CEP164: variants seen among roughly 807,000 people sequenced by gnomAD.
CEP164 encodes the protein centrosomal protein 164, also known as centrosomal protein of 164 kDa.
CEP164 carries 162 observed loss-of-function variants against 182.7 expected under a neutral mutation model. That is an observed-to-expected ratio of 0.89 (90% CI 0.78 to 1.01). The LOEUF (loss-of-function observed/expected upper bound fraction) is 1.01. Ranked by LOEUF, CEP164 falls within the 50% of genes least tolerant of loss-of-function variation. CEP164 has a pLI of 0.00. For synonymous variants in CEP164, 661 were observed against 690.0 expected (o/e 0.96, Z 0.66); for missense variants, 1,735 against 1,790.4 (o/e 0.97, Z 0.56).
chr11:117,373,933 A>G, intron 10 of CEP164, 102 bp downstream of exon 10: 1 of 946,160 alleles, frequency 1.1e-6, no homozygotes, highest in Admixed American at 2.1e-5. Flanking sequence ...TATAAGTGGG[A>G]GAATTTCGAA....
At chr11:117,410,010 C>G in intron 30 of CEP164, 45 bp downstream of exon 30, 23 of 1,456,042 alleles carry the variant, frequency 1.6e-5, no homozygotes, top group Non-Finnish European at 2.2e-5. Context: ...CCTCCTCCTC[C>G]TCCTCTTCCT....
At position 117,394,796 on chromosome 11, in the gene CEP164, A is replaced by G. The variant is rs896743976; in HGVS notation, c.2761-124A>G. 11 of 1,034,206 alleles carry G rather than the reference A, an allele frequency of 1.1e-5. No individual in the cohort carries two copies. The Middle Eastern group carries it at 9.2e-4, about 86-fold the overall frequency. The allele number at this position is 1,034,206 out of a possible 1,614,324, so 64.1% of individuals were successfully genotyped here. On this transcript the variant is annotated intron_variant, in intron 21 of 32. Coordinates refer to ENST00000278935, the MANE Select transcript of CEP164 (RefSeq NM_014956.5). The surrounding 1 kb of genome is among the most constrained non-coding windows in gnomAD (Gnocchi z 4.0). Reference sequence around the variant, plus strand: ...TTCCTGGGAGGCTGCAGGGGCACACAGCGAGGAAGCCTGAGCCCAGAGTGG... The same window carrying G: ...TTCCTGGGAGGCTGCAGGGGCACACGGCGAGGAAGCCTGAGCCCAGAGTGG...
intron 8 of CEP164, among the ~76,000 whole-genome samples, chr11:117,370,497 A>G (rs527726281): frequency 3.2e-4 from 48 of 152,330 alleles, no homozygotes; most frequent in Non-Finnish European, 5.7e-4. Flanking sequence ...ACAGAGTTGT[A>G]TCGTCCAGTG....
chr11:117,407,191 G>T (rs2046786567), intron 27 of CEP164, among the ~76,000 whole-genome samples: 1 of 152,200 alleles, frequency 6.6e-6, no homozygotes, highest in African/African-American at 2.4e-5. Flanking sequence ...GGGGTCAGCA[G>T]AGAGCAAGGG....
At chr11:117,326,166 C>G (rs1187049956), upstream of CEP164, among the ~76,000 whole-genome samples, 1 of 152,088 alleles carries the variant, frequency 6.6e-6, no homozygotes, top group Non-Finnish European at 1.5e-5. Context: ...CTGCCTTGGC[C>G]TCCCAAAGTT....
chr11:117,385,716 T>TA (rs1243157663), intron 14 of CEP164: 1 of 152,262 alleles, frequency 6.6e-6, no homozygotes. Context: ...CCACATGTCT[T>TA]ATATATGCAT....
intron 4 of CEP164, among the ~76,000 whole-genome samples, chr11:117,350,045 T>G (rs1299316463): frequency 6.6e-6 from 1 of 152,162 alleles, no homozygotes; most frequent in African/African-American, 2.4e-5. Context: ...AGTGCTGGGA[T>G]TACAGGCATG....
Position 117,387,412 on chromosome 11 carries a change from G to T in CEP164, c.1934G>T (p.Ser645Ile). The change falls in exon 15 of 33, where the codon AGT (serine) becomes ATT (isoleucine). Residue 645 changes from serine to isoleucine, a missense_variant and splice_region_variant. By Grantham distance (142) the Ser-to-Ile change is moderately radical (BLOSUM62 -2). Coordinates refer to ENST00000278935, the MANE Select transcript of CEP164 (RefSeq NM_014956.5). Reference sequence around the variant, plus strand: ...CACCAGCAGAAAGAGCAATCTCTCAGGTCCTGCCCTTCCCCTTAGGCATGC... The same window carrying T: ...CACCAGCAGAAAGAGCAATCTCTCATGTCCTGCCCTTCCCCTTAGGCATGC... ...RLHQQKEQSL[S>I]SLRERLQKAI... is the part of the protein sequence containing the mutation. 1 of 1,613,976 alleles carries T rather than the reference G, an allele frequency of 6.2e-7. No homozygotes were observed. The highest frequency in any genetic ancestry group is 8.5e-7 in the Non-Finnish European group (1 of 1,179,978).
At chr11:117,389,938 CTTTTTTT>C (rs34794541) in intron 15 of CEP164, among the ~76,000 whole-genome samples, 14 of 94,612 alleles carry the variant, frequency 1.5e-4, no homozygotes, top group Non-Finnish European at 2.3e-4. Context: ...CAGTAGTTTG[CTTTTTTT>C]TTTTTTTTTT....
intron 15 of CEP164, among the ~76,000 whole-genome samples, chr11:117,388,452 C>T (rs1221943798): frequency 6.6e-6 from 1 of 152,268 alleles, no homozygotes; most frequent in East Asian, 1.9e-4. Flanking sequence ...CAAACTAGTT[C>T]ATCACCAGAA....
At chr11:117,379,607 G>A (rs188105882) in intron 11 of CEP164, among the ~76,000 whole-genome samples, 1 of 152,230 alleles carries the variant, frequency 6.6e-6, no homozygotes, top group East Asian at 1.9e-4. Context: ...TTTGGGTCAC[G>A]AGCTGGGCCT....
rs1226500313 is a variant in CEP164, at chr11:117,391,194, G to A, written c.2262G>A (p.Gln754=). 2.5e-6 allele frequency: 4 copies of A among 1,611,320 alleles called. No homozygotes were observed. Among genetic ancestry groups the A allele is most frequent in the African/African-American group, 2.7e-5 (2 of 74,854 alleles). ...KEKALQQLRE[Q]LEGERKEAVA... ...AGGCTCTGCAGCAGCTGAGGGAGCA[G>A]CTGGAAGGGGAGAGGAAAGAAGTGA... Residue 754 remains glutamine (Q), a synonymous_variant, in exon 17 of 33, where the codon CAG becomes CAA. Coordinates refer to ENST00000278935, the MANE Select transcript of CEP164 (RefSeq NM_014956.5).
intron 2 of CEP164, among the ~76,000 whole-genome samples, chr11:117,337,510 TAA>T (rs55864956): frequency 1.3e-4 from 17 of 128,758 alleles, no homozygotes; most frequent in South Asian, 5.4e-4. Flanking sequence ...ACCATCTCTG[TAA>T]AAAAAAAAAA....
chr11:117,388,266 C>G (rs1666559839), intron 15 of CEP164, among the ~76,000 whole-genome samples: 1 of 152,206 alleles, frequency 6.6e-6, no homozygotes, highest in Non-Finnish European at 1.5e-5. Context: ...ACTCCAGAGG[C>G]CCTCTTAGGT....
At chr11:117,410,625 C>T in intron 30 of CEP164, 1 of 499,574 alleles carries the variant, frequency 2.0e-6, no homozygotes, top group Non-Finnish European at 3.6e-6. Context: ...AACAAAATAT[C>T]TTCTTTTTGC....
chr11:117,344,131 C>T, intron 3 of CEP164, 35 bp from the exon 4 acceptor site: 1 of 1,263,040 alleles, frequency 7.9e-7, no homozygotes, highest in Admixed American at 2.2e-5. Context: ...TTCTTTTCAT[C>T]TCTCTTACTT....
At position 117,395,637 on chromosome 11, in the gene CEP164, G is replaced by A; in HGVS notation, c.3004G>A (p.Asp1002Asn). Residue 1002 changes from aspartate (D) to asparagine (N), a missense_variant, in exon 24 of 33, where the codon GAT becomes AAT. Coordinates refer to ENST00000278935, the MANE Select transcript of CEP164 (RefSeq NM_014956.5). Reference sequence around the variant, plus strand: ...AAACCAGCAGCTCCGAGAAATTCTTGATGAGCTGCAGGCCCGCAAGCTGAA... The same window carrying A: ...AAACCAGCAGCTCCGAGAAATTCTTAATGAGCTGCAGGCCCGCAAGCTGAA... ...QSNQQLREILDELQARKLKLE... is the reference protein window; with the variant it reads ...QSNQQLREILNELQARKLKLE... 1 of 1,613,880 alleles carries A rather than the reference G, an allele frequency of 6.2e-7. No individual in the cohort carries two copies. Among genetic ancestry groups the A allele is most frequent in the Non-Finnish European group, 8.5e-7 (1 of 1,180,020 alleles).
chr11:117,411,716 G>A lies in CEP164; in HGVS notation c.4164-79G>A. 14 of 1,582,298 alleles carry A rather than the reference G, an allele frequency of 8.8e-6. No homozygotes were observed. The highest frequency in any genetic ancestry group is 1.2e-5 in the Non-Finnish European group (14 of 1,161,412). On this transcript the variant is annotated intron_variant, in intron 31 of 32. Transcript: ENST00000278935. The surrounding 1 kb of genome is among the most constrained non-coding windows in gnomAD (Gnocchi z 4.4). ...TGAGAGAAAGAGGGAGGAGGTGACAGATGTGATGGCCTCTGTGCATCCTCT... is the reference window on the plus strand; with the variant it reads ...TGAGAGAAAGAGGGAGGAGGTGACAAATGTGATGGCCTCTGTGCATCCTCT...
Position 117,412,143 on chromosome 11 carries a change from A to G in CEP164, c.4358A>G (p.Asn1453Ser). Residue 1453 changes from asparagine (N) to serine (S), a missense_variant, in exon 33 of 33, where the codon AAC (asparagine) becomes AGC (serine). Coordinates refer to ENST00000278935, the MANE Select transcript of CEP164 (RefSeq NM_014956.5). ...CTGCAGCTGGGCCTTGATGAGCACA[A>G]CAGAGTGAAGGTGTATCGCTTCTGA... ...SLLQLGLDEH[N>S]RVKVYRF 1.2e-6 allele frequency: 2 copies of G among 1,614,156 alleles called. No homozygotes were observed. Among genetic ancestry groups the G allele is most frequent in the Non-Finnish European group, 1.7e-6 (2 of 1,180,008 alleles).
Sources: allele counts gnomAD v4.1 joint callset (sites outside exome capture counted in the v4.1 genomes callset), GRCh38; gene constraint gnomAD v4.1.1; non-coding constraint Gnocchi (gnomAD v3.1); transcripts MANE v1.5; gene names NCBI Gene and HGNC (gene_info 2026-07-23, HGNC 2026-07-21).